Variants in HS3ST4 observed in about 807,000 individuals in gnomAD.
The protein encoded by HS3ST4 is heparan sulfate glucosamine 3-O-sulfotransferase 4.
A neutral mutation model predicts 29.2 loss-of-function variants in HS3ST4; 17 were observed. That is an observed-to-expected ratio of 0.58 (90% CI 0.40 to 0.87). The LOEUF is 0.87. Ranked by LOEUF, HS3ST4 falls within the 40% of genes least tolerant of loss-of-function variation. The pLI, the probability that HS3ST4 is intolerant of heterozygous loss-of-function variation, is 0.00. For missense variants in HS3ST4, 627 were observed against 634.5 expected, an observed-to-expected ratio of 0.99 and a Z score of 0.13; for synonymous variants, 314 against 285.7, an observed-to-expected ratio of 1.10 and a Z score of -1.00.
intron 1 of HS3ST4, among the ~76,000 whole-genome samples, chr16:25,989,032 G>A (rs912924630): frequency 1.3e-5 from 2 of 152,190 alleles, no homozygotes; most frequent in Non-Finnish European, 2.9e-5. Context: ...CTGGTATGGT[G>A]TGGTTGAAGA....
At chr16:25,925,866 T>A (rs140148083) in intron 1 of HS3ST4, among the ~76,000 whole-genome samples, 13 of 152,188 alleles carry the variant, frequency 8.5e-5, no homozygotes, top group African/African-American at 3.1e-4. Flanking sequence ...CACCATCCTT[T>A]CATTCACAAC....
chr16:26,039,145 A>G (rs946082195), intron 1 of HS3ST4, among the ~76,000 whole-genome samples: 1 of 152,150 alleles, frequency 6.6e-6, no homozygotes, highest in Non-Finnish European at 1.5e-5. Flanking sequence ...TTTTACATAC[A>G]CTTCTATAAT....
At chr16:25,842,132 C>T (rs1343558510) in intron 1 of HS3ST4, among the ~76,000 whole-genome samples, 1 of 152,208 alleles carries the variant, frequency 6.6e-6, no homozygotes, top group Non-Finnish European at 1.5e-5. Flanking sequence ...AGAGCATGCC[C>T]TTTTCCAGTG....
chr16:25,826,080 C>T (rs1295967654), intron 1 of HS3ST4: 2 of 152,204 alleles, frequency 1.3e-5, no homozygotes, highest in African/African-American at 4.8e-5. Flanking sequence ...TCCAATATGA[C>T]AAACTTGAGG....
chr16:25,746,080 A>G (rs528964137), intron 1 of HS3ST4, among the ~76,000 whole-genome samples: 33 of 152,218 alleles, frequency 2.2e-4, no homozygotes, highest in African/African-American at 6.0e-4. Context: ...CCATTGTTCC[A>G]TGGATTTACC....
chr16:26,062,581 A>G (rs1182193056), intron 1 of HS3ST4, among the ~76,000 whole-genome samples: 3 of 148,466 alleles, frequency 2.0e-5, no homozygotes, highest in Non-Finnish European at 3.0e-5. Context: ...AATCATCTTC[A>G]TTGCCATGCA....
chr16:25,857,772 A>G (rs1469807438), intron 1 of HS3ST4, among the ~76,000 whole-genome samples: 2 of 152,270 alleles, frequency 1.3e-5, no homozygotes, highest in Admixed American at 6.5e-5. Flanking sequence ...GCATACTCAA[A>G]CATACACATA....
chr16:25,934,583 G>A (rs982781462), intron 1 of HS3ST4, among the ~76,000 whole-genome samples: 5 of 152,162 alleles, frequency 3.3e-5, no homozygotes, highest in African/African-American at 9.7e-5. Context: ...GCATATAAAG[G>A]CATCTGGATG....
chr16:26,040,259 T>C (rs1274819323), intron 1 of HS3ST4, among the ~76,000 whole-genome samples: 1 of 152,064 alleles, frequency 6.6e-6, no homozygotes, highest in East Asian at 1.9e-4. Context: ...ATTTGGAGGC[T>C]CATTTTTCTT....
intron 1 of HS3ST4, among the ~76,000 whole-genome samples, chr16:25,698,255 T>G (rs994527082): frequency 7.9e-5 from 12 of 152,004 alleles, no homozygotes; most frequent in African/African-American, 2.9e-4. Context: ...TTAAGTAGAA[T>G]GATTAGGGAA....
chr16:26,018,629 A>C (rs555277449), intron 1 of HS3ST4, among the ~76,000 whole-genome samples: 1 of 152,302 alleles, frequency 6.6e-6, no homozygotes, highest in South Asian at 2.1e-4. Context: ...ATATTGACAA[A>C]GTCAGGAAAG....
At chr16:26,106,644 T>G (rs1211765391) in intron 1 of HS3ST4, among the ~76,000 whole-genome samples, 2 of 152,178 alleles carry the variant, frequency 1.3e-5, no homozygotes, top group Non-Finnish European at 2.9e-5. Context: ...TGAGAATACT[T>G]GACAATGATG....
chr16:26,001,227 T>G (rs1425148131), intron 1 of HS3ST4, among the ~76,000 whole-genome samples: 1 of 152,192 alleles, frequency 6.6e-6, no homozygotes, highest in Non-Finnish European at 1.5e-5. Flanking sequence ...ACTGTGGTTA[T>G]ATAAAAGCAT....
intron 1 of HS3ST4, among the ~76,000 whole-genome samples, chr16:25,948,778 T>C (rs1192211623): frequency 2.0e-5 from 3 of 152,184 alleles, no homozygotes; most frequent in East Asian, 3.9e-4. Context: ...TGAGCACTTA[T>C]AGTGACAAAA....
chr16:26,095,189 C>T (rs1898907858), intron 1 of HS3ST4, among the ~76,000 whole-genome samples: 1 of 152,138 alleles, frequency 6.6e-6, no homozygotes, highest in Non-Finnish European at 1.5e-5. Flanking sequence ...ACCCCACTGT[C>T]AATATTAGAC....
At chr16:25,744,836 C>A (rs1405441903) in intron 1 of HS3ST4, among the ~76,000 whole-genome samples, 1 of 152,160 alleles carries the variant, frequency 6.6e-6, no homozygotes. Flanking sequence ...CTGCTGCCAT[C>A]CATGTAAGAC....
chr16:25,799,797 G>C (rs569775477), intron 1 of HS3ST4, among the ~76,000 whole-genome samples: 21 of 151,398 alleles, frequency 1.4e-4, no homozygotes, highest in African/African-American at 4.9e-4. Flanking sequence ...GCTTAATGTT[G>C]ATAGTTCTGT....
intron 1 of HS3ST4, among the ~76,000 whole-genome samples, chr16:25,798,115 T>TA (rs1444390204): frequency 6.6e-6 from 1 of 151,780 alleles, no homozygotes; most frequent in Non-Finnish European, 1.5e-5. Context: ...TCAAAGGGAG[T>TA]AAAAAACTCC....
chr16:25,746,947 C>G (rs1432187543), intron 1 of HS3ST4, among the ~76,000 whole-genome samples: 1 of 152,194 alleles, frequency 6.6e-6, no homozygotes, highest in Non-Finnish European at 1.5e-5. Flanking sequence ...CTCCAGGGCT[C>G]AAGCAATCCT....
Sources: allele counts gnomAD v4.1 joint callset (sites outside exome capture counted in the v4.1 genomes callset), GRCh38; gene constraint gnomAD v4.1.1; transcripts MANE v1.5; gene names NCBI Gene and HGNC (gene_info 2026-07-23, HGNC 2026-07-21).